PABIR2: variants seen among roughly 807,000 people sequenced by gnomAD.
The protein encoded by PABIR2 is PABIR family member 2.
Under a neutral mutation model 22.8 loss-of-function variants are expected in PABIR2, and 7 were observed. The observed-to-expected ratio is 0.31, with a 90% CI of 0.17 to 0.58. The LOEUF is 0.58. PABIR2 is among the 20% of genes least tolerant of loss of function. PABIR2 has a pLI of 0.89. For synonymous variants in PABIR2, 67 were observed against 73.8 expected, an observed-to-expected ratio of 0.91 and a Z score of 0.47; for missense variants, 155 against 205.1, an observed-to-expected ratio of 0.76 and a Z score of 1.49.
intron 5 of PABIR2, 26 bp from the exon 6 acceptor site, chrX:134,788,857 C>T (rs1467971212): frequency 8.6e-7 from 1 of 1,162,284 alleles, no homozygotes; most frequent in Non-Finnish European, 1.2e-6. Context: ...GTCATCTCCT[C>T]ATAATAAATT....
chrX:134,775,143 T>C (rs752408646), intron 9 of PABIR2, among the ~76,000 whole-genome samples: 76 of 112,046 alleles, frequency 6.8e-4, no homozygotes, highest in African/African-American at 2.5e-3. Flanking sequence ...ACAATTCAAA[T>C]TGGACATAGG....
chrX:134,779,038 T>C (rs776113131), intron 9 of PABIR2, among the ~76,000 whole-genome samples: 26 of 111,108 alleles, frequency 2.3e-4, no homozygotes, highest in Non-Finnish European at 4.3e-4. Flanking sequence ...ATGATCTCGA[T>C]CTCCTGACCT....
intron 9 of PABIR2, among the ~76,000 whole-genome samples, chrX:134,779,820 T>C (rs1348779371): frequency 8.9e-6 from 1 of 112,562 alleles, no homozygotes; most frequent in East Asian, 2.8e-4. Context: ...TTTATAGCCA[T>C]GTGCCTATTA....
intron 2 of PABIR2, chrX:134,791,552 C>A (rs1369547369): frequency 3.3e-6 from 1 of 302,456 alleles, no homozygotes; most frequent in East Asian, 1.1e-4. Context: ...GAAGAGAGCC[C>A]GTGAGGAATA....
chrX:134,779,376 A>C (rs1416333644), intron 9 of PABIR2, among the ~76,000 whole-genome samples: 1 of 111,495 alleles, frequency 9.0e-6, no homozygotes, highest in Non-Finnish European at 1.9e-5. Context: ...CAGTGAGTCG[A>C]GATTGCACTG....
Position 134,772,022 on chromosome X carries a change from G to A in PABIR2, c.*117C>T. ...ATGCCAAAGAGTAATAATAGCATCA[G>A]AATGTGTGAAATCTGTAAAACTTTA... On this transcript the variant is annotated 3_prime_UTR_variant, in exon 10 of 10. Coordinates refer to ENST00000343004, the MANE Select transcript of PABIR2 (RefSeq NM_001387468.1). The A allele has an allele frequency of 2.9e-6, 3 of 1,049,861 alleles. No individual in the cohort carries two copies. The highest frequency in any genetic ancestry group is 3.7e-6 in the Non-Finnish European group (3 of 812,326). The allele number at this position is 1,049,861 out of a possible 1,213,427, so 86.5% of individuals were successfully genotyped here.
At chrX:134,784,358 G>A (rs752228610) in intron 8 of PABIR2, among the ~76,000 whole-genome samples, 28 of 109,877 alleles carry the variant, frequency 2.5e-4, no homozygotes, top group East Asian at 1.7e-3. Flanking sequence ...CCAGCTACTC[G>A]GGAGACTGAG....
In PABIR2 at chrX:134,790,812, T is replaced by C. The variant is rs1170030963; in HGVS notation, c.178-1176A>G. On this transcript the variant is annotated intron_variant, in intron 2 of 9. Coordinates refer to ENST00000343004, the MANE Select transcript of PABIR2 (RefSeq NM_001387468.1). ...TGATCTCGATCTCCTGACCTCGTGA[T>C]CCTCCTGCCTTGGCCCTCCAAAGTG... Among the ~76,000 whole-genome samples, 3 of 112,375 alleles carry C rather than the reference T, an allele frequency of 2.7e-5. No homozygotes were observed. The Admixed American group carries it at 2.8e-4, about 11-fold the overall frequency.
chrX:134,777,885 G>GTTTT (rs1246080322), intron 9 of PABIR2, among the ~76,000 whole-genome samples: 18 of 80,159 alleles, frequency 2.2e-4, no homozygotes, highest in South Asian at 5.8e-4. Flanking sequence ...TGTTTGGTTG[G>GTTTT]TTTTTTTTTT....
intron 1 of PABIR2, among the ~76,000 whole-genome samples, chrX:134,794,431 C>T (rs1362523987): frequency 9.0e-6 from 1 of 111,328 alleles, no homozygotes; most frequent in Non-Finnish European, 1.9e-5. Flanking sequence ...AATGCTCTCC[C>T]TCCTGCCAAC....
At chrX:134,786,669 A>T (rs754195837) in intron 7 of PABIR2, among the ~76,000 whole-genome samples, 2 of 110,796 alleles carry the variant, frequency 1.8e-5, no homozygotes, top group South Asian at 3.8e-4. Context: ...CCCCTAAAAA[A>T]CTCTGGGGCT....
intron 8 of PABIR2, 48 bp from the exon 9 acceptor site, chrX:134,781,965 A>T: frequency 1.3e-5 from 12 of 935,805 alleles, no homozygotes; most frequent in Non-Finnish European, 1.8e-5. Context: ...TTACAAATAC[A>T]GGCGTGGTGC....
At chrX:134,787,203 G>A (rs1270114166) in intron 7 of PABIR2, among the ~76,000 whole-genome samples, 2 of 106,690 alleles carry the variant, frequency 1.9e-5, no homozygotes, top group Admixed American at 2.1e-4. Context: ...TGGTTCAAGC[G>A]ATTCTCCTGC....
In PABIR2 at chrX:134,772,249, C is replaced by T. The variant is rs2078853335; in HGVS notation, c.694G>A (p.Gly232Ser). ...DILDGSSSSS[G>S]LSSDPLAKGS... Reference sequence around the variant, plus strand: ...TTAGCCAGCGGGTCTGAGGATAAGCCACTGCTGCTACTACTGCCATCCAAA... The same window carrying T: ...TTAGCCAGCGGGTCTGAGGATAAGCTACTGCTGCTACTACTGCCATCCAAA... Residue 232 changes from glycine to serine, a missense_variant, in exon 10 of 10, where the codon GGC (glycine) becomes AGC (serine). Transcript: ENST00000343004. 2.3e-5 allele frequency: 28 copies of T among 1,195,153 alleles called. No individual in the cohort carries two copies. The highest frequency in any genetic ancestry group is 2.8e-5 in the Non-Finnish European group (25 of 886,103).
intron 7 of PABIR2, among the ~76,000 whole-genome samples, chrX:134,786,520 AAAAT>A (rs899158164): frequency 2.7e-5 from 3 of 111,527 alleles, no homozygotes; most frequent in African/African-American, 9.8e-5. Flanking sequence ...CTCCGTCGCA[AAAAT>A]AAATAAATAA....
Position 134,796,199 on chromosome X carries a change from G to C in PABIR2, c.7C>G (p.Gln3Glu), listed in dbSNP as rs1460630518. 1 of 1,209,237 alleles carries C rather than the reference G, an allele frequency of 8.3e-7. No homozygotes were observed. The highest frequency in any genetic ancestry group is 1.1e-6 in the Non-Finnish European group (1 of 894,399). The change falls in exon 1 of 10, where the codon CAG becomes GAG. Residue 3 changes from glutamine (Q) to glutamate (E), a missense_variant. By Grantham distance (29) the Gln-to-Glu change is conservative (BLOSUM62 2). Transcript: ENST00000343004. The stretch of plus-strand genomic sequence containing the variant: ...TCAAGGTCCAGCTCCATTTTCTCCT[G>C]AGCCATGTCAGACTTGCAGGCAGGC... MA[Q>E]EKMELDLEPD...
intron 7 of PABIR2, among the ~76,000 whole-genome samples, chrX:134,786,592 G>C (rs2079325616): frequency 8.9e-6 from 1 of 111,842 alleles, no homozygotes; most frequent in African/African-American, 3.3e-5. Context: ...TTCTTAAAAA[G>C]GATGTATTAT....
intron 9 of PABIR2, among the ~76,000 whole-genome samples, chrX:134,774,969 C>T (rs2078929589): frequency 8.9e-6 from 1 of 112,166 alleles, no homozygotes; most frequent in Non-Finnish European, 1.9e-5. Flanking sequence ...GTAATTTTCA[C>T]AGTCTACTAT....
At chrX:134,787,621 T>TC in intron 6 of PABIR2, 88 bp from the exon 7 acceptor site, 1 of 840,785 alleles carries the variant, frequency 1.2e-6, no homozygotes, top group Non-Finnish European at 1.6e-6. Flanking sequence ...TTTTTTTTTT[T>TC]TTTTTTTTTT....
Sources: gnomAD v4.1 joint callset for allele counts (sites outside exome capture counted in the v4.1 genomes callset) on GRCh38, gnomAD v4.1.1 for gene constraint, MANE v1.5 for transcripts, NCBI Gene and HGNC (gene_info 2026-07-23, HGNC 2026-07-21) for gene names.